The following PNPLA7 variants were observed in gnomAD, a reference collection of about 807,000 sequenced individuals.
PNPLA7 encodes the protein patatin like domain 7, lysophospholipase.
Under a neutral mutation model 161.7 loss-of-function variants are expected in PNPLA7, and 153 were observed. The observed-to-expected ratio is 0.95, with a 90% CI of 0.83 to 1.08. The LOEUF is 1.08. PNPLA7 is among the 50% of genes least tolerant of loss of function. The pLI, the probability that PNPLA7 is intolerant of heterozygous loss-of-function variation, is 0.00. For missense variants in PNPLA7, 1,739 were observed against 1,856.6 expected, an observed-to-expected ratio of 0.94 and a Z score of 1.16; for synonymous variants, 809 against 782.1, an observed-to-expected ratio of 1.03 and a Z score of -0.57.
intron 8 of PNPLA7, among the ~76,000 whole-genome samples, chr9:137,539,462 A>G (rs947430144): frequency 2.6e-5 from 4 of 152,236 alleles, no homozygotes. Flanking sequence ...ACTTGATCCC[A>G]GGAGTTCAAG....
chr9:137,549,471 G>A (rs929821610), intron 1 of PNPLA7, among the ~76,000 whole-genome samples: 2 of 151,576 alleles, frequency 1.3e-5, no homozygotes, highest in African/African-American at 4.9e-5. Context: ...TTGGGAGGCC[G>A]AGGCAGGAGA....
chr9:137,466,526 C>G (rs1831470936), intron 26 of PNPLA7, among the ~76,000 whole-genome samples: 1 of 150,036 alleles, frequency 6.7e-6, no homozygotes, highest in Non-Finnish European at 1.5e-5. Flanking sequence ...CAGATCAGAC[C>G]ACCTCCCACC....
intron 20 of PNPLA7, 100 bp downstream of exon 20, chr9:137,492,913 G>T: frequency 9.6e-7 from 1 of 1,040,496 alleles, no homozygotes; most frequent in Non-Finnish European, 1.4e-6. Flanking sequence ...GGACAGGGCG[G>T]GGCCATGGGC....
intron 12 of PNPLA7, among the ~76,000 whole-genome samples, chr9:137,510,004 CA>C (rs1181590432): frequency 6.6e-6 from 1 of 152,152 alleles, no homozygotes; most frequent in Non-Finnish European, 1.5e-5. Context: ...GCTGAGGGGA[CA>C]AAGTGAAGAG....
At chr9:137,536,498 T>A (rs1195788590) in intron 8 of PNPLA7, among the ~76,000 whole-genome samples, 1 of 151,792 alleles carries the variant, frequency 6.6e-6, no homozygotes, top group African/African-American at 2.4e-5. Context: ...TGGGTGCATA[T>A]AAAAATCACC....
At chr9:137,471,957 G>C (rs1056882463) in intron 25 of PNPLA7, among the ~76,000 whole-genome samples, 1 of 152,104 alleles carries the variant, frequency 6.6e-6, no homozygotes, top group Non-Finnish European at 1.5e-5. Flanking sequence ...ATGACTCCTC[G>C]ATGCCAAGAC....
At position 137,540,605 on chromosome 9, in the gene PNPLA7, C is replaced by G. The variant is rs1451015028; in HGVS notation, c.747+37G>C. 9 of 1,576,778 alleles carry G rather than the reference C, an allele frequency of 5.7e-6. No individual in the cohort carries two copies. Among genetic ancestry groups the G allele is most frequent in the Middle Eastern group, 1.7e-4 (1 of 6,038 alleles). On this transcript the variant is annotated intron_variant, in intron 8 of 34. Coordinates refer to ENST00000406427, the MANE Select transcript of PNPLA7 (RefSeq NM_001098537.3). The surrounding 1 kb of genome is among the most constrained non-coding windows in gnomAD (Gnocchi z 5.1). Reference sequence around the variant, plus strand: ...AAAAACCAGGCCTCCGGGGCCAACCCAGGGGCGCCCGGAGGGCCAGGCAGC... The same window carrying G: ...AAAAACCAGGCCTCCGGGGCCAACCGAGGGGCGCCCGGAGGGCCAGGCAGC...
At chr9:137,509,601 T>C (rs755914844) in intron 12 of PNPLA7, 62 of 365,792 alleles carry the variant, frequency 1.7e-4, no homozygotes, top group Middle Eastern at 7.3e-4. Context: ...CTGGTACAAA[T>C]GAGTTTAGCT....
rs1836620194 is a variant in PNPLA7 at position 137,547,769 on chromosome 9, G to C, written c.31-110C>G. 1.1e-5 allele frequency: 12 copies of C among 1,049,354 alleles called. No individual in the cohort carries two copies. The South Asian group carries it at 1.6e-4, about 14-fold the overall frequency. 65.0% of individuals were successfully genotyped at this position (1,049,354 alleles called of 1,614,324 possible). On this transcript the variant is annotated intron_variant, in intron 1 of 34. Coordinates refer to ENST00000406427, the MANE Select transcript of PNPLA7 (RefSeq NM_001098537.3). This position sits in a 1 kb window ranked among gnomAD's most constrained non-coding sequence, Gnocchi z 4.6. ...GTTAGGGGAGAAGTCAGCAGCCCTG[G>C]AGACTTCTGGGAAGAAGTGATCTCG...
chr9:137,522,614 G>C (rs1835085690), intron 9 of PNPLA7, 115 bp downstream of exon 9: 1 of 1,187,060 alleles, frequency 8.4e-7, no homozygotes, highest in African/African-American at 1.5e-5. Flanking sequence ...TGGCTGTAAA[G>C]CTCAGAACTG....
intron 14 of PNPLA7, among the ~76,000 whole-genome samples, chr9:137,505,016 C>G (rs1039836376): frequency 3.9e-5 from 6 of 151,932 alleles, no homozygotes; most frequent in South Asian, 2.1e-4. Flanking sequence ...TGGTGAAACC[C>G]CGTCTCTACT....
rs112568262 is a variant in PNPLA7 at position 137,533,685 on chromosome 9, C to T, written c.747+6957G>A. ...GAGCACTCCCAGACTCCTGAGTGTC[C>T]ACTCCAGATGGGAGCACTCCCAGAC... On this transcript the variant is annotated intron_variant, in intron 8 of 34. Coordinates refer to ENST00000406427, the MANE Select transcript of PNPLA7 (RefSeq NM_001098537.3). 1.5e-4 allele frequency among the ~76,000 whole-genome samples: 22 copies of T among 147,562 alleles called. 2 individuals carry two copies. The highest frequency in any genetic ancestry group is 5.5e-4 in the African/African-American group (22 of 39,792).
At chr9:137,514,113 C>T (rs1834379993) in intron 12 of PNPLA7, among the ~76,000 whole-genome samples, 2 of 149,888 alleles carry the variant, frequency 1.3e-5, no homozygotes, top group Admixed American at 6.6e-5. Flanking sequence ...GCGGGCGGGT[C>T]ACCCGGATGT....
chr9:137,460,622 C>A lies in PNPLA7; in HGVS notation c.3945+12G>T, dbSNP rs1311617239. 1 of 1,609,838 alleles carries A rather than the reference C, an allele frequency of 6.2e-7. No individual in the cohort carries two copies. The highest frequency in any genetic ancestry group is 1.3e-5 in the African/African-American group (1 of 75,026). ...CTGTGGGCACCAGGTGGGACCATGC[C>A]CAGCTCCTCACCAAGTCTGAGCCCT... is the stretch of plus-strand genomic sequence containing the variant. On this transcript the variant is annotated intron_variant, in intron 34 of 34. Coordinates refer to ENST00000406427, the MANE Select transcript of PNPLA7 (RefSeq NM_001098537.3).
At chr9:137,514,998 G>T (rs1032264894) in intron 12 of PNPLA7, among the ~76,000 whole-genome samples, 12 of 152,304 alleles carry the variant, frequency 7.9e-5, no homozygotes, top group Non-Finnish European at 1.8e-4. Context: ...GGAGGCACAC[G>T]TCAGCAGGGC....
intron 8 of PNPLA7, among the ~76,000 whole-genome samples, chr9:137,538,572 G>A (rs1239791914): frequency 7.9e-5 from 12 of 152,190 alleles, no homozygotes; most frequent in Admixed American, 7.9e-4. Context: ...AGAAACTGAG[G>A]TAGAAGTTAC....
intron 20 of PNPLA7, chr9:137,492,375 T>C (rs937059439): frequency 4.1e-6 from 4 of 973,346 alleles, no homozygotes; most frequent in Non-Finnish European, 4.9e-6. Context: ...TTTTCACATA[T>C]AGCAGAGCTT....
chr9:137,494,936 T>TGCTCTGTGCCCTCACCC (rs1832967953), intron 19 of PNPLA7, 97 bp downstream of exon 19: 1 of 1,147,790 alleles, frequency 8.7e-7, no homozygotes, highest in African/African-American at 1.5e-5. Flanking sequence ...CGCCCTCACC[T>TGCTCTGTGCCCTCACCC]GCTCTGTGCC....
rs867636633 is a variant in PNPLA7, at chr9:137,460,452, G to C, written c.3970C>G (p.Arg1324Gly). ...DLEDESSLRHRHPSLAFPKLS... is the reference protein window; with the variant it reads ...DLEDESSLRHGHPSLAFPKLS... The stretch of plus-strand genomic sequence containing the variant: ...TTTGGGAAAGCCAGACTGGGGTGTC[G>C]ATGCCGCAGTGAGGACTCGTCCTCC... Residue 1324 changes from arginine (R) to glycine (G), a missense_variant, in exon 35 of 35, where the codon CGA becomes GGA. Arg to Gly is a moderately radical substitution (Grantham distance 125). This residue lies in a region of PNPLA7 where 703 missense variants were observed against 694.6 expected (regional missense o/e 1.01). Transcript: ENST00000406427. The C allele has an allele frequency of 1.2e-6, 2 of 1,612,524 alleles. No homozygotes were observed. The highest frequency in any genetic ancestry group is 2.2e-5 in the East Asian group (1 of 44,896).
Sources: gnomAD v4.1 joint callset for allele counts (sites outside exome capture counted in the v4.1 genomes callset) on GRCh38, gnomAD v4.1.1 for gene constraint, gnomAD v4.1.1 regional missense constraint, Gnocchi (gnomAD v3.1) non-coding constraint, MANE v1.5 for transcripts, NCBI Gene and HGNC (gene_info 2026-07-23, HGNC 2026-07-21) for gene names.